The following ARHGAP6 variants were observed in gnomAD, a reference collection of about 807,000 sequenced individuals.
The protein encoded by ARHGAP6 is rho GTPase-activating protein 6.
A neutral mutation model predicts 55.7 loss-of-function variants in ARHGAP6; 16 were observed. The ratio of observed to expected loss-of-function variants is 0.29; its 90% CI spans 0.19 to 0.44. The LOEUF (loss-of-function observed/expected upper bound fraction) is 0.44, where lower values mean the gene tolerates loss of function less well. Among genes scored for constraint, ARHGAP6 ranks in the 20% least tolerant of loss-of-function variants. The pLI is 1.00. For missense variants in ARHGAP6, 698 were observed against 808.9 expected, an observed-to-expected ratio of 0.86 and a Z score of 1.66; for synonymous variants, 382 against 360.9, an observed-to-expected ratio of 1.06 and a Z score of -0.66.
chrX:11,157,882 T>C (rs1009145702), intron 9 of ARHGAP6, among the ~76,000 whole-genome samples: 1 of 112,128 alleles, frequency 8.9e-6, no homozygotes, highest in African/African-American at 3.2e-5. Flanking sequence ...ATTAATGACA[T>C]TGCCAACTTC....
rs764925871 is a variant in ARHGAP6 at position 11,143,999 on chromosome X, A to G, written c.2157T>C (p.Pro719=). 13 of 1,210,339 alleles carry G rather than the reference A, an allele frequency of 1.1e-5. No individual in the cohort carries two copies. Among genetic ancestry groups the G allele is most frequent in the African/African-American group, 1.7e-5 (1 of 57,173 alleles). Residue 719 remains proline, a synonymous_variant, in exon 11 of 13, where the codon CCT becomes CCC. Transcript: ENST00000337414. ...AGTTACCTTTCCCAAGCCTTGGTCC[A>G]GGAGAACTTTCCCTTGACTTTGACG... ...LSSSKSRESS[P]GPRLGKDLSE...
intron 1 of ARHGAP6, among the ~76,000 whole-genome samples, chrX:11,341,572 G>A (rs992481870): frequency 1.1e-4 from 12 of 111,775 alleles, no homozygotes; most frequent in African/African-American, 3.9e-4. Context: ...TCATAATAGT[G>A]CCTCCCACAT....
chrX:11,272,089 T>C lies in ARHGAP6; in HGVS notation c.589-17382A>G, dbSNP rs1454686267. 5.3e-5 allele frequency among the ~76,000 whole-genome samples: 6 copies of C among 112,552 alleles called. No homozygotes were observed. The South Asian group carries it at 1.8e-3, about 34-fold the overall frequency. On this transcript the variant is annotated intron_variant, in intron 1 of 12. Transcript: ENST00000337414. Reference sequence around the variant, plus strand: ...ACTTTTCTATAACAATGGACATTTTTGTTAACAGTACTAATTGCTAAGGTG... The same window carrying C: ...ACTTTTCTATAACAATGGACATTTTCGTTAACAGTACTAATTGCTAAGGTG...
intron 2 of ARHGAP6, among the ~76,000 whole-genome samples, chrX:11,247,726 C>T (rs2047371638): frequency 8.9e-6 from 1 of 112,350 alleles, no homozygotes; most frequent in Non-Finnish European, 1.9e-5. Flanking sequence ...TAACATACTA[C>T]TTGATATACA....
At chrX:11,574,510 T>C (rs1449669908) in intron 1 of ARHGAP6, among the ~76,000 whole-genome samples, 2 of 108,822 alleles carry the variant, frequency 1.8e-5, no homozygotes, top group Admixed American at 9.9e-5. Flanking sequence ...AAAAGGCCTT[T>C]GACAAAATTC....
intron 1 of ARHGAP6, among the ~76,000 whole-genome samples, chrX:11,473,067 G>C (rs996760008): frequency 3.6e-5 from 4 of 110,619 alleles, no homozygotes; most frequent in Non-Finnish European, 7.6e-5. Context: ...CTCACATCCG[G>C]TTTCCCTCCA....
At chrX:11,457,522 A>G (rs2050204986) in intron 1 of ARHGAP6, among the ~76,000 whole-genome samples, 1 of 111,765 alleles carries the variant, frequency 8.9e-6, no homozygotes, top group South Asian at 3.8e-4. Context: ...CACTAAACAA[A>G]TATTTTTGAA....
At chrX:11,520,430 C>A (rs1330776404) in intron 1 of ARHGAP6, among the ~76,000 whole-genome samples, 2 of 106,268 alleles carry the variant, frequency 1.9e-5, no homozygotes, top group Admixed American at 1.0e-4. Context: ...TTTGTCCTTG[C>A]GATAGTTTGC....
intron 2 of ARHGAP6, among the ~76,000 whole-genome samples, chrX:11,229,857 G>GA (rs1330848286): frequency 7.3e-5 from 8 of 109,733 alleles, no homozygotes; most frequent in Non-Finnish European, 1.3e-4. Flanking sequence ...CCAAGTTAAA[G>GA]AAAAAAAAAG....
intron 1 of ARHGAP6, among the ~76,000 whole-genome samples, chrX:11,323,883 A>G (rs1025520948): frequency 4.3e-4 from 47 of 108,421 alleles, no homozygotes; most frequent in South Asian, 8.0e-4. Context: ...AAAAAAAAAA[A>G]AAAAGAAAAA....
In ARHGAP6 at chrX:11,231,616, T is replaced by C. The variant is rs1430524428; in HGVS notation, c.748+22932A>G. Among the ~76,000 whole-genome samples the C allele has an allele frequency of 2.7e-5, 3 of 112,226 alleles. No homozygotes were observed. The East Asian group carries it at 8.3e-4, about 31-fold the overall frequency. On this transcript the variant is annotated intron_variant, in intron 2 of 12. Transcript: ENST00000337414. ...TATATCTTTGTGAAGATATCTAAAT[T>C]AAGGTGATCCAGTCAAATCACAAAA...
At chrX:11,545,174 G>T (rs1412564524) in intron 1 of ARHGAP6, among the ~76,000 whole-genome samples, 2 of 111,760 alleles carry the variant, frequency 1.8e-5, no homozygotes, top group Non-Finnish European at 3.8e-5. Flanking sequence ...AGTGATTCTT[G>T]GCAAGTACAA....
intron 1 of ARHGAP6, chrX:11,427,927 C>G: frequency 2.5e-6 from 1 of 402,759 alleles, no homozygotes; most frequent in Non-Finnish European, 3.1e-6. Flanking sequence ...CGGGTCCCTC[C>G]GGCGGCCGCC....
chrX:11,532,804 A>G (rs1161964740), intron 1 of ARHGAP6, among the ~76,000 whole-genome samples: 1 of 112,015 alleles, frequency 8.9e-6, no homozygotes, highest in African/African-American at 3.2e-5. Flanking sequence ...CACAGACCAG[A>G]AAGTCCACAA....
At chrX:11,212,295 G>T (rs910507025) in intron 2 of ARHGAP6, among the ~76,000 whole-genome samples, 4 of 111,573 alleles carry the variant, frequency 3.6e-5, no homozygotes, top group African/African-American at 9.8e-5. Flanking sequence ...TATGGCACTG[G>T]TAAGTAAGGC....
chrX:11,216,231 T>C (rs750197803), intron 2 of ARHGAP6, among the ~76,000 whole-genome samples: 20 of 111,487 alleles, frequency 1.8e-4, no homozygotes, highest in African/African-American at 6.2e-4. Context: ...TCTTTTTTAT[T>C]TTAATGCAGG....
chrX:11,153,761 G>C (rs2045823654), intron 10 of ARHGAP6, among the ~76,000 whole-genome samples: 1 of 110,365 alleles, frequency 9.1e-6, no homozygotes, highest in African/African-American at 3.3e-5. Flanking sequence ...TCTGTTCACT[G>C]ATAATGCTAG....
intron 1 of ARHGAP6, among the ~76,000 whole-genome samples, chrX:11,383,597 TC>T (rs769041727): frequency 2.2e-4 from 24 of 111,272 alleles, no homozygotes; most frequent in Non-Finnish European, 4.1e-4. Flanking sequence ...CTGCCCCATA[TC>T]CTAAATCTAT....
chrX:11,592,712 T>A (rs1171709514), intron 1 of ARHGAP6, among the ~76,000 whole-genome samples: 3 of 111,799 alleles, frequency 2.7e-5, no homozygotes, highest in African/African-American at 9.7e-5. Context: ...ATACAATTTG[T>A]AGAAAAGCCC....
Sources: gnomAD v4.1 joint callset for allele counts (sites outside exome capture counted in the v4.1 genomes callset) on GRCh38, gnomAD v4.1.1 for gene constraint, MANE v1.5 for transcripts, NCBI Gene and HGNC (gene_info 2026-07-23, HGNC 2026-07-21) for gene names.